SAMD12: variants seen among roughly 807,000 people sequenced by gnomAD.
SAMD12 encodes sterile alpha motif domain-containing protein 12.
A neutral mutation model predicts 15.0 loss-of-function variants in SAMD12; 9 were observed. That is an observed-to-expected ratio of 0.60 (90% CI 0.36 to 1.05). The LOEUF is 1.05. SAMD12 is among the 50% of genes least tolerant of loss of function. The pLI is 0.01. For missense variants in SAMD12, 230 were observed against 234.2 expected (o/e 0.98, Z 0.12); for synonymous variants, 86 against 90.1 (o/e 0.96, Z 0.25).
chr8:118,409,026 G>A (rs1288769270), intron 3 of SAMD12, among the ~76,000 whole-genome samples: 1 of 152,048 alleles, frequency 6.6e-6, no homozygotes, highest in African/African-American at 2.4e-5. Context: ...AGCCTCCCGA[G>A]TTGCTGGGAC....
chr8:118,265,444 T>G (rs771619990), intron 4 of SAMD12, among the ~76,000 whole-genome samples: 22 of 152,260 alleles, frequency 1.4e-4, no homozygotes, highest in Middle Eastern at 3.4e-3. Context: ...ACATTCTTTA[T>G]GTATTGCTTC....
At chr8:118,150,734 T>C in the SAMD12 span, among the ~76,000 whole-genome samples, 601 of 152,298 alleles carry the variant, frequency 3.9e-3, 4 homozygotes, top group African/African-American at 0.014. Context: ...GAAGAGTATT[T>C]ATATTTACCA....
At chr8:118,475,849 T>C (rs182797244) in intron 2 of SAMD12, among the ~76,000 whole-genome samples, 2 of 152,318 alleles carry the variant, frequency 1.3e-5, no homozygotes, top group African/African-American at 4.8e-5. Flanking sequence ...GCAGATGGGA[T>C]CAACAGATTA....
the SAMD12 span, among the ~76,000 whole-genome samples, chr8:118,153,081 G>C: frequency 2.0e-5 from 3 of 152,224 alleles, no homozygotes; most frequent in Non-Finnish European, 2.9e-5. Flanking sequence ...CTGCTCATAA[G>C]CATATTTTTC....
the SAMD12 span, among the ~76,000 whole-genome samples, chr8:118,142,437 G>T: frequency 1.3e-5 from 2 of 152,176 alleles, no homozygotes; most frequent in East Asian, 3.9e-4. Context: ...CTTCTTCTGG[G>T]AACCTTCTCC....
intron 2 of SAMD12, among the ~76,000 whole-genome samples, chr8:118,519,102 A>C (rs1228977893): frequency 6.6e-6 from 1 of 152,218 alleles, no homozygotes; most frequent in African/African-American, 2.4e-5. Flanking sequence ...TATACTGACA[A>C]GCAAGCCTTG....
the SAMD12 span, among the ~76,000 whole-genome samples, chr8:118,179,297 C>T: frequency 9.2e-5 from 14 of 151,958 alleles, no homozygotes; most frequent in East Asian, 1.7e-3. Flanking sequence ...ATTAGCCGGG[C>T]GTGGTGGCGC....
chr8:118,327,317 A>G (rs966358896), intron 4 of SAMD12, among the ~76,000 whole-genome samples: 2 of 152,144 alleles, frequency 1.3e-5, no homozygotes, highest in Admixed American at 1.3e-4. Context: ...CCTTCATCAC[A>G]GTGTTTTGGG....
the SAMD12 span, among the ~76,000 whole-genome samples, chr8:118,166,598 A>G: frequency 6.6e-6 from 1 of 152,194 alleles, no homozygotes; most frequent in Non-Finnish European, 1.5e-5. Context: ...ATGGTTATTC[A>G]CCTTTACAGG....
chr8:118,344,557 C>T (rs1380024722), intron 4 of SAMD12, among the ~76,000 whole-genome samples: 1 of 152,176 alleles, frequency 6.6e-6, no homozygotes, highest in Non-Finnish European at 1.5e-5. Flanking sequence ...AGCTCTTAAC[C>T]ATTGTTTCCT....
chr8:118,556,244 T>C (rs1826525404), intron 2 of SAMD12, among the ~76,000 whole-genome samples: 1 of 152,252 alleles, frequency 6.6e-6, no homozygotes, highest in Non-Finnish European at 1.5e-5. Flanking sequence ...ACTTAGTATA[T>C]GATTCTTTTG....
chr8:118,449,747 G>T (rs1173208475), intron 2 of SAMD12, among the ~76,000 whole-genome samples: 1 of 136,138 alleles, frequency 7.3e-6, no homozygotes, highest in African/African-American at 2.8e-5. Context: ...CTTGCAGTGA[G>T]CAGAGATGGT....
chr8:118,460,915 T>C (rs1823399779), intron 2 of SAMD12, among the ~76,000 whole-genome samples: 1 of 152,316 alleles, frequency 6.6e-6, no homozygotes, highest in African/African-American at 2.4e-5. Context: ...CCTTCTCAGC[T>C]ACATCACTCA....
intron 4 of SAMD12, among the ~76,000 whole-genome samples, chr8:118,273,966 G>A (rs1269740048): frequency 2.6e-5 from 4 of 152,174 alleles, no homozygotes; most frequent in South Asian, 2.1e-4. Context: ...CCATCATTGC[G>A]CTGCACTCAA....
chr8:118,571,658 C>A (rs1827014393), intron 2 of SAMD12, among the ~76,000 whole-genome samples: 1 of 152,212 alleles, frequency 6.6e-6, no homozygotes, highest in Non-Finnish European at 1.5e-5. Flanking sequence ...TGGGCCGTCG[C>A]TTCAGAGGGT....
intron 2 of SAMD12, among the ~76,000 whole-genome samples, chr8:118,513,090 T>G (rs1411497565): frequency 6.6e-6 from 1 of 152,194 alleles, no homozygotes. Flanking sequence ...GGATCATCTT[T>G]ATTTTTCTCA....
chr8:118,313,483 C>T (rs954775673), intron 4 of SAMD12, among the ~76,000 whole-genome samples: 7 of 152,076 alleles, frequency 4.6e-5, no homozygotes, highest in African/African-American at 1.7e-4. Context: ...CAGGTACCTA[C>T]CTGCAGTGAC....
chr8:118,589,244 T>C (rs1465607428), intron 1 of SAMD12, among the ~76,000 whole-genome samples: 3 of 152,180 alleles, frequency 2.0e-5, no homozygotes, highest in African/African-American at 7.2e-5. Context: ...CTGACAATGA[T>C]GATGTGGCTG....
chr8:118,261,784 G>A (rs1813083573), intron 4 of SAMD12, among the ~76,000 whole-genome samples: 1 of 151,952 alleles, frequency 6.6e-6, no homozygotes, highest in Non-Finnish European at 1.5e-5. Flanking sequence ...ATACTGCAAG[G>A]TAGGTAATAG....
Sources: allele counts gnomAD v4.1 joint callset (sites outside exome capture counted in the v4.1 genomes callset), GRCh38; gene constraint gnomAD v4.1.1; transcripts MANE v1.5; gene names NCBI Gene and HGNC (gene_info 2026-07-23, HGNC 2026-07-21).